The following ANKRD27 variants were observed in gnomAD, a reference collection of about 807,000 sequenced individuals.
ANKRD27 encodes ankyrin repeat domain-containing protein 27.
Under a neutral mutation model 129.7 loss-of-function variants are expected in ANKRD27, and 112 were observed. That is an observed-to-expected ratio of 0.86 (90% confidence interval 0.74 to 1.01). ANKRD27 has a LOEUF of 1.01. ANKRD27 is among the 50% of genes least tolerant of loss of function. ANKRD27 has a pLI of 0.00. For synonymous variants in ANKRD27, 516 were observed against 511.2 expected (o/e 1.01, Z -0.13); for missense variants, 1,258 against 1,300.5 (o/e 0.97, Z 0.50).
chr19:32,610,549 T>C (rs1971820004), intron 22 of ANKRD27, among the ~76,000 whole-genome samples: 1 of 150,764 alleles, frequency 6.6e-6, no homozygotes, highest in Non-Finnish European at 1.5e-5. Flanking sequence ...CCCAGCACTT[T>C]GGGAGGCTGA....
chr19:32,648,686 GC>G (rs1452549424), intron 3 of ANKRD27, among the ~76,000 whole-genome samples: 15 of 151,946 alleles, frequency 9.9e-5, no homozygotes, highest in African/African-American at 3.6e-4. Context: ...CGTAGTCCCA[GC>G]TACTCGGGAG....
chr19:32,610,269 C>T (rs186040255), intron 22 of ANKRD27, among the ~76,000 whole-genome samples: 1 of 151,852 alleles, frequency 6.6e-6, no homozygotes, highest in East Asian at 1.9e-4. Flanking sequence ...GAGATGGCGC[C>T]ACTGCACTCC....
chr19:32,618,455 A>G (rs1229121873), intron 20 of ANKRD27, among the ~76,000 whole-genome samples: 13 of 142,448 alleles, frequency 9.1e-5, no homozygotes, highest in Admixed American at 7.0e-4. Context: ...CAAAAAGAAA[A>G]AAAAAAAAAA....
intron 2 of ANKRD27, among the ~76,000 whole-genome samples, chr19:32,656,123 A>G (rs200629423): frequency 8.5e-6 from 1 of 117,828 alleles, no homozygotes; most frequent in African/African-American, 3.3e-5. Context: ...AAAAGAAAAG[A>G]AAAGAAAAGA....
At position 32,644,418 on chromosome 19, in the gene ANKRD27, G is replaced by A. The variant is rs1967262787; in HGVS notation, c.432C>T (p.Phe144=). The A allele has an allele frequency of 1.9e-6, 3 of 1,614,120 alleles. No homozygotes were observed. The highest frequency in any genetic ancestry group is 1.7e-6 in the Non-Finnish European group (2 of 1,180,012). ...CAAATCGCTCGGAGTGTCTTCCCAA[G>A]AACTCTCTCACATCTTCAATGGTTT... is the stretch of plus-strand genomic sequence containing the variant. ...SLKTIEDVRE[F]LGRHSERFDR... The change falls in exon 5 of 29, where the codon TTC becomes TTT. Residue 144 remains phenylalanine (F), a synonymous_variant. Transcript: ENST00000306065.
chr19:32,673,357 C>G (rs765658695), intron 1 of ANKRD27: 5 of 986,288 alleles, frequency 5.1e-6, no homozygotes, highest in Non-Finnish European at 6.0e-6. Context: ...GGCTGTGCCT[C>G]CTGGATCTGC....
intron 1 of ANKRD27, among the ~76,000 whole-genome samples, chr19:32,666,922 C>G (rs1026954823): frequency 1.8e-4 from 28 of 152,262 alleles, no homozygotes; most frequent in African/African-American, 6.7e-4. Context: ...GCTGGGATTA[C>G]AGGCGTGAGC....
Position 32,624,163 on chromosome 19 carries a change from T to C in ANKRD27, c.1630-1544A>G, listed in dbSNP as rs1363895026. 2.0e-5 allele frequency among the ~76,000 whole-genome samples: 3 copies of C among 151,732 alleles called. No homozygotes were observed. In the East Asian group the frequency reaches 5.9e-4, roughly 30 times the overall value. On this transcript the variant is annotated intron_variant, in intron 17 of 28. Transcript: ENST00000306065. ...AGGCGGATCACTTGAGGTCAGGAGT[T>C]CAAGACCAGCCTGGTCAACATGGTG...
rs182850937 is a variant in ANKRD27, at chr19:32,644,360, G to A, written c.490C>T (p.Arg164Ter). ...RNIASFHRTF[R>*]ECERKSLRHH... ...CGGAGGCTCTTTCTCTCGCATTCTC[G>A]GAATGTTCGATGGAAAGAGGCGATG... The change falls in exon 5 of 29, where the codon CGA becomes TGA. Residue 164 changes from arginine to a stop codon, truncating the protein, a stop_gained. Coordinates refer to ENST00000306065, the MANE Select transcript of ANKRD27 (RefSeq NM_032139.3). LOFTEE classifies it high-confidence loss of function. 36 of 1,613,710 alleles carry A rather than the reference G, an allele frequency of 2.2e-5. No individual in the cohort carries two copies. The highest frequency in any genetic ancestry group is 1.7e-4 in the Middle Eastern group (1 of 5,892).
At chr19:32,632,091 C>T (rs1027017260) in intron 12 of ANKRD27, among the ~76,000 whole-genome samples, 8 of 152,084 alleles carry the variant, frequency 5.3e-5, no homozygotes, top group East Asian at 1.9e-4. Flanking sequence ...GAGTTCAATA[C>T]GAGCCTGGCC....
In ANKRD27 at chr19:32,646,451, C is replaced by T. The variant is rs578161497; in HGVS notation, c.370+8G>A. 3.8e-6 allele frequency: 6 copies of T among 1,588,810 alleles called. 1 individual carries two copies. In the South Asian group the frequency reaches 4.6e-5, roughly 12 times the overall value. ...AACAGGAGAAAAAGGTTTTTTCTCC[C>T]AGAATACCTGAACTCTCTCTCTTTT... On this transcript the variant is annotated splice_region_variant and intron_variant, in intron 4 of 28. Coordinates refer to ENST00000306065, the MANE Select transcript of ANKRD27 (RefSeq NM_032139.3).
intron 18 of ANKRD27, among the ~76,000 whole-genome samples, chr19:32,619,843 A>G (rs1464247516): frequency 6.6e-6 from 1 of 152,156 alleles, no homozygotes; most frequent in Non-Finnish European, 1.5e-5. Context: ...GGATAAGAGA[A>G]GCCAGACCCG....
At chr19:32,615,535 G>T in intron 22 of ANKRD27, 123 bp downstream of exon 22, 1 of 1,511,046 alleles carries the variant, frequency 6.6e-7, no homozygotes, top group South Asian at 1.2e-5. Flanking sequence ...AGTGGGTCAT[G>T]ACTGTACCAC....
intron 26 of ANKRD27, among the ~76,000 whole-genome samples, chr19:32,601,053 C>G (rs1338906518): frequency 6.6e-6 from 1 of 152,154 alleles, no homozygotes; most frequent in Admixed American, 6.5e-5. Context: ...AACTCCAGCA[C>G]TTTGGGAGGC....
In ANKRD27 at chr19:32,639,307, G is replaced by A. The variant is rs777898004; in HGVS notation, c.1116+49C>T. On this transcript the variant is annotated intron_variant, in intron 12 of 28. Transcript: ENST00000306065. The stretch of plus-strand genomic sequence containing the variant: ...ATACCAACCCCAGCACCCTATCAAG[G>A]GAACCATGATGCCCACAAAGGAAGG... The A allele has an allele frequency of 5.0e-6, 8 of 1,611,990 alleles. No homozygotes were observed. The East Asian group carries it at 1.3e-4, about 27-fold the overall frequency.
At position 32,600,455 on chromosome 19, in the gene ANKRD27, C is replaced by T. The variant is rs1173934749; in HGVS notation, c.2768-405G>A. 3.9e-5 allele frequency among the ~76,000 whole-genome samples: 6 copies of T among 152,086 alleles called. No individual in the cohort carries two copies. In the South Asian group the frequency reaches 6.2e-4, roughly 16 times the overall value. ...ACTCAAGAGGCTGAGGCAGGAGACT[C>T]GCTTGAACCCAGGAGGCAGAGGTTG... is the stretch of plus-strand genomic sequence containing the variant. On this transcript the variant is annotated intron_variant, in intron 26 of 28. Coordinates refer to ENST00000306065, the MANE Select transcript of ANKRD27 (RefSeq NM_032139.3).
At chr19:32,621,025 T>C (rs938079869) in intron 18 of ANKRD27, among the ~76,000 whole-genome samples, 3 of 152,128 alleles carry the variant, frequency 2.0e-5, no homozygotes, top group Admixed American at 2.0e-4. Flanking sequence ...ACACTGACTA[T>C]ATACAGCTTT....
Position 32,640,232 on chromosome 19 carries a change from G to C in ANKRD27, c.983+75C>G. On this transcript the variant is annotated intron_variant, in intron 11 of 28. Transcript: ENST00000306065. ...CCCGCCTTGGCCTCCCAAAGTGCTG[G>C]GATTACAGGCGTGAGCCACCGTGCC... The C allele has an allele frequency of 2.4e-6, 3 of 1,228,678 alleles. No individual in the cohort carries two copies. The South Asian group carries it at 3.7e-5, about 15-fold the overall frequency. 76.1% of individuals were successfully genotyped at this position (1,228,678 alleles called of 1,614,324 possible). A position where few individuals can be genotyped will look rare whatever the true frequency, so the allele number is the denominator to read the frequency against.
intron 1 of ANKRD27, 26 bp downstream of exon 1, chr19:32,675,042 CAGG>C (rs1287259203): frequency 1.3e-5 from 2 of 152,248 alleles, no homozygotes; most frequent in African/African-American, 2.4e-5. Flanking sequence ...AGGGGAGGCG[CAGG>C]AGGAGGCCAG....
Sources: allele counts gnomAD v4.1 joint callset (sites outside exome capture counted in the v4.1 genomes callset), GRCh38; gene constraint gnomAD v4.1.1; transcripts MANE v1.5; gene names NCBI Gene and HGNC (gene_info 2026-07-23, HGNC 2026-07-21).